Variants in XRCC4 observed in about 807,000 individuals in gnomAD.
The protein encoded by XRCC4 is X-ray repair cross complementing 4, also known as DNA repair protein XRCC4.
XRCC4 carries 28 observed loss-of-function variants against 39.1 expected under a neutral mutation model. The ratio of observed to expected loss-of-function variants is 0.72; its 90% CI spans 0.53 to 0.98. XRCC4 has a LOEUF of 0.98. XRCC4 is among the 50% of genes least tolerant of loss of function. The probability of loss-of-function intolerance (pLI) is 0.00; values close to 1 mark genes in which losing one functional copy is unlikely to be tolerated. For missense variants in XRCC4, 350 were observed against 376.4 expected, an observed-to-expected ratio of 0.93 and a Z score of 0.58; for synonymous variants, 123 against 126.4, an observed-to-expected ratio of 0.97 and a Z score of 0.18.
chr5:83,315,916 T>A (rs1471184268), intron 7 of XRCC4, among the ~76,000 whole-genome samples: 1 of 152,166 alleles, frequency 6.6e-6, no homozygotes, highest in South Asian at 2.1e-4. Flanking sequence ...TATTTCAGAA[T>A]TACATTTTGT....
At chr5:83,289,794 G>A (rs905168080) in intron 7 of XRCC4, among the ~76,000 whole-genome samples, 2 of 151,814 alleles carry the variant, frequency 1.3e-5, no homozygotes, top group Non-Finnish European at 2.9e-5. Flanking sequence ...GTGGGATAGG[G>A]TTCACTTCTT....
chr5:83,140,965 G>T (rs1748142985), intron 3 of XRCC4, among the ~76,000 whole-genome samples: 1 of 152,114 alleles, frequency 6.6e-6, no homozygotes, highest in Admixed American at 6.5e-5. Flanking sequence ...ATGTAGCCAA[G>T]CTCATTAGTT....
intron 6 of XRCC4, among the ~76,000 whole-genome samples, chr5:83,253,169 A>G: frequency 6.6e-6 from 1 of 152,324 alleles, no homozygotes; most frequent in Admixed American, 6.5e-5. Flanking sequence ...GTACAGAACA[A>G]AAGTAAAGGT....
chr5:83,310,880 A>T (rs771647287), intron 7 of XRCC4: 19 of 456,262 alleles, frequency 4.2e-5, no homozygotes, highest in Non-Finnish European at 7.9e-5. Flanking sequence ...TTGAATAAGG[A>T]GGAACGTGAG....
chr5:83,355,970 A>G (rs543759635), downstream of XRCC4, among the ~76,000 whole-genome samples: 1 of 152,326 alleles, frequency 6.6e-6, no homozygotes, highest in East Asian at 1.9e-4. Flanking sequence ...TAAGAAAAAA[A>G]TTACACACAT....
intron 2 of XRCC4, among the ~76,000 whole-genome samples, chr5:83,106,205 A>C (rs564250442): frequency 6.6e-6 from 1 of 152,238 alleles, no homozygotes; most frequent in East Asian, 1.9e-4. Context: ...TGTATGCCAG[A>C]GAGATTATAT....
chr5:83,154,640 C>G (rs1171353758), intron 3 of XRCC4, among the ~76,000 whole-genome samples: 1 of 152,096 alleles, frequency 6.6e-6, no homozygotes, highest in Non-Finnish European at 1.5e-5. Context: ...ATTTGGCTTT[C>G]TTTGTCTTTA....
intron 3 of XRCC4, among the ~76,000 whole-genome samples, chr5:83,174,376 TTCTC>T (rs1749860207): frequency 6.6e-6 from 1 of 152,180 alleles, no homozygotes; most frequent in Non-Finnish European, 1.5e-5. Context: ...CTGATACTGT[TTCTC>T]TATGGATATC....
chr5:83,101,439 G>T (rs1406855873), intron 1 of XRCC4, among the ~76,000 whole-genome samples: 1 of 152,102 alleles, frequency 6.6e-6, no homozygotes, highest in African/African-American at 2.4e-5. Flanking sequence ...TTTACCAGAA[G>T]AATTGCTTTT....
chr5:83,226,527 C>T (rs1435266635), intron 6 of XRCC4, among the ~76,000 whole-genome samples: 1 of 152,060 alleles, frequency 6.6e-6, no homozygotes, highest in Non-Finnish European at 1.5e-5. Flanking sequence ...GTCTACTCCC[C>T]TCTGCTCCCA....
At chr5:83,331,518 AATAGT>A (rs1756436541) in intron 7 of XRCC4, among the ~76,000 whole-genome samples, 1 of 152,104 alleles carries the variant, frequency 6.6e-6, no homozygotes, top group African/African-American at 2.4e-5. Context: ...AACATTCACA[AATAGT>A]ATGACCCAGG....
At chr5:83,200,226 G>A (rs1029311493) in intron 4 of XRCC4, among the ~76,000 whole-genome samples, 2 of 152,126 alleles carry the variant, frequency 1.3e-5, no homozygotes, top group African/African-American at 4.8e-5. Flanking sequence ...TCTGAGTCTT[G>A]AAAAATTAAA....
Position 83,085,870 on chromosome 5 carries a change from C to T in XRCC4, c.-11+8255C>T, listed in dbSNP as rs772964722. 3.3e-4 allele frequency among the ~76,000 whole-genome samples: 50 copies of T among 152,140 alleles called. 1 individual carries two copies. The highest frequency in any genetic ancestry group is 4.7e-4 in the Non-Finnish European group (32 of 68,012). Reference sequence around the variant, plus strand: ...AGTAGAAAATCATATTATAGATCACCACTGTTAATTCCCATCTGAATATCA... The same window carrying T: ...AGTAGAAAATCATATTATAGATCACTACTGTTAATTCCCATCTGAATATCA... On this transcript the variant is annotated intron_variant, in intron 1 of 7. Transcript: ENST00000396027.
In XRCC4 at chr5:83,353,261, T is replaced by C. The variant is rs766602842; in HGVS notation, c.*19T>C. 1.3e-6 allele frequency: 2 copies of C among 1,532,982 alleles called. No individual in the cohort carries two copies. The highest frequency in any genetic ancestry group is 1.8e-6 in the Non-Finnish European group (2 of 1,122,600). 95.0% of individuals were successfully genotyped at this position (1,532,982 alleles called of 1,614,324 possible). ...GATTTAACAGTCTCAAAAAATACTT[T>C]GATGTTCACTAGACTATGTTTTCTA... On this transcript the variant is annotated 3_prime_UTR_variant, in exon 8 of 8. Coordinates refer to ENST00000396027, the MANE Select transcript of XRCC4 (RefSeq NM_003401.5).
intron 7 of XRCC4, among the ~76,000 whole-genome samples, chr5:83,302,017 A>C (rs1755301982): frequency 6.6e-6 from 1 of 152,054 alleles, no homozygotes. Flanking sequence ...GTGAGGGGAA[A>C]ACCGCCTACT....
chr5:83,298,236 A>C (rs1314572662), intron 7 of XRCC4, among the ~76,000 whole-genome samples: 1 of 151,784 alleles, frequency 6.6e-6, no homozygotes, highest in African/African-American at 2.4e-5. Context: ...TGTTGAAAAA[A>C]AAAAACTGTC....
At chr5:83,133,752 G>A (rs538737963) in intron 3 of XRCC4, among the ~76,000 whole-genome samples, 1 of 152,200 alleles carries the variant, frequency 6.6e-6, no homozygotes, top group African/African-American at 2.4e-5. Context: ...GCAGTACTAG[G>A]GTGGGAGTGT....
chr5:83,267,854 T>G (rs77067567), intron 7 of XRCC4, among the ~76,000 whole-genome samples: 2,412 of 152,232 alleles, frequency 0.016, 61 homozygotes, highest in African/African-American at 0.054. Context: ...ATGGAGAAAG[T>G]CTGAAAGATT....
At chr5:83,349,124 C>A (rs1002212774) in intron 7 of XRCC4, among the ~76,000 whole-genome samples, 1 of 152,188 alleles carries the variant, frequency 6.6e-6, no homozygotes, top group East Asian at 1.9e-4. Flanking sequence ...CTACTTATTA[C>A]CCAGTTCCAA....
Sources: gnomAD v4.1 joint callset for allele counts (sites outside exome capture counted in the v4.1 genomes callset) on GRCh38, gnomAD v4.1.1 for gene constraint, MANE v1.5 for transcripts, NCBI Gene and HGNC (gene_info 2026-07-23, HGNC 2026-07-21) for gene names.